CEP63: variants seen among roughly 807,000 people sequenced by gnomAD.
The protein encoded by CEP63 is centrosomal protein of 63 kDa.
In CEP63, 84 loss-of-function variants were observed where a neutral mutation model predicts 89.1. The observed-to-expected ratio is 0.94, with a 90% CI of 0.79 to 1.13. The LOEUF (loss-of-function observed/expected upper bound fraction) is 1.13. Ranked by LOEUF, CEP63 falls within the 50% of genes most tolerant of loss-of-function variation. The pLI is 0.00. For missense variants in CEP63, 838 were observed against 813.3 expected (o/e 1.03, Z -0.37); for synonymous variants, 267 against 272.5 (o/e 0.98, Z 0.20).
At chr3:134,608,000 TCTC>T in the CEP63 span, 2 of 1,036,430 alleles carry the variant, frequency 1.9e-6, no homozygotes, top group African/African-American at 1.7e-5. Flanking sequence ...CTAGGCCTGT[TCTC>T]CTCTCCCAAG....
the CEP63 span, chr3:134,639,732 G>T: frequency 6.6e-6 from 1 of 151,550 alleles, no homozygotes; most frequent in Non-Finnish European, 1.5e-5. Flanking sequence ...GATTGCTTGA[G>T]CCCAGGGGTT....
chr3:134,680,425 C>T, the CEP63 span, among the ~76,000 whole-genome samples: 7 of 152,168 alleles, frequency 4.6e-5, no homozygotes, highest in East Asian at 7.7e-4. Context: ...GGAGACTGTG[C>T]GCTGTGAAGC....
the CEP63 span, among the ~76,000 whole-genome samples, chr3:134,631,542 G>C: frequency 1.1e-5 from 1 of 94,036 alleles, no homozygotes; most frequent in African/African-American, 3.1e-5. Context: ...ACATCTGATA[G>C]GTTTTTGATA....
chr3:134,521,024 A>T (rs1279791122), intron 3 of CEP63, among the ~76,000 whole-genome samples: 1 of 152,208 alleles, frequency 6.6e-6, no homozygotes, highest in African/African-American at 2.4e-5. Flanking sequence ...TAAAATAATG[A>T]ACATTTCATA....
chr3:134,740,266 T>TTTCATTTATTTATTTA, the CEP63 span, among the ~76,000 whole-genome samples: 5 of 140,860 alleles, frequency 3.5e-5, no homozygotes, highest in African/African-American at 1.3e-4. Flanking sequence ...TATTCTTTTC[T>TTTCATTTATTTATTTA]TTTATTTATT....
intron 6 of CEP63, among the ~76,000 whole-genome samples, chr3:134,541,233 A>G (rs774700022): frequency 3.3e-5 from 5 of 152,078 alleles, no homozygotes; most frequent in Non-Finnish European, 5.9e-5. Context: ...TGTTTTATAA[A>G]CAGTTAATTA....
chr3:134,632,941 C>T, the CEP63 span, among the ~76,000 whole-genome samples: 249 of 152,048 alleles, frequency 1.6e-3, 1 homozygote, highest in African/African-American at 5.5e-3. Flanking sequence ...TCGCTACAGA[C>T]CCTCATATGT....
chr3:134,576,984 G>A (rs1019213281), downstream of CEP63, among the ~76,000 whole-genome samples: 2 of 152,142 alleles, frequency 1.3e-5, no homozygotes, highest in African/African-American at 4.8e-5. Flanking sequence ...CACTGCGCAG[G>A]CCAAACAGTA....
chr3:134,736,928 T>G, the CEP63 span, among the ~76,000 whole-genome samples: 1 of 152,064 alleles, frequency 6.6e-6, no homozygotes, highest in African/African-American at 2.4e-5. Flanking sequence ...AAAGTTACAG[T>G]AACAGAGACA....
chr3:134,736,803 A>G, the CEP63 span, among the ~76,000 whole-genome samples: 4 of 151,366 alleles, frequency 2.6e-5, no homozygotes, highest in South Asian at 4.1e-4. Flanking sequence ...TAGAATTTAC[A>G]TGGAAGAACA....
chr3:134,500,800 C>G (rs949552194), intron 2 of CEP63, among the ~76,000 whole-genome samples: 11 of 151,978 alleles, frequency 7.2e-5, no homozygotes, highest in African/African-American at 2.7e-4. Context: ...TTCGCTCTGT[C>G]GGTAGTTTTT....
At chr3:134,740,266 T>TTTTATTTATTTA in the CEP63 span, among the ~76,000 whole-genome samples, 9 of 140,860 alleles carry the variant, frequency 6.4e-5, no homozygotes, top group African/African-American at 7.8e-5. Flanking sequence ...TATTCTTTTC[T>TTTTATTTATTTA]TTTATTTATT....
the CEP63 span, among the ~76,000 whole-genome samples, chr3:134,728,366 A>G: frequency 6.6e-5 from 10 of 152,200 alleles, no homozygotes; most frequent in Non-Finnish European, 1.3e-4. Context: ...AATTTCACCT[A>G]TGGAAACAAG....
chr3:134,738,596 A>T, the CEP63 span, among the ~76,000 whole-genome samples: 1 of 152,036 alleles, frequency 6.6e-6, no homozygotes, highest in Admixed American at 6.6e-5. Context: ...AGAATAATAC[A>T]ACAGACTTTG....
At chr3:134,528,358 C>T (rs963817754) in intron 3 of CEP63, among the ~76,000 whole-genome samples, 3 of 152,128 alleles carry the variant, frequency 2.0e-5, no homozygotes, top group East Asian at 1.9e-4. Flanking sequence ...TTTTTTTCTC[C>T]CCCGTTCTTT....
At chr3:134,695,730 G>A in the CEP63 span, among the ~76,000 whole-genome samples, 2 of 152,230 alleles carry the variant, frequency 1.3e-5, no homozygotes, top group African/African-American at 2.4e-5. Context: ...AAACTGATTA[G>A]AGGGCAGTGG....
chr3:134,695,184 C>T, the CEP63 span, among the ~76,000 whole-genome samples: 1 of 152,110 alleles, frequency 6.6e-6, no homozygotes, highest in Non-Finnish European at 1.5e-5. Flanking sequence ...ATTGCAAAGT[C>T]AAGAGCCACT....
At chr3:134,607,699 C>T in the CEP63 span, 3 of 985,812 alleles carry the variant, frequency 3.0e-6, no homozygotes, top group Non-Finnish European at 3.6e-6. Context: ...CCGTATGCCT[C>T]AGAGTGTGCA....
At chr3:134,580,344 T>C (rs751651675) in intron 10 of CEP63, among the ~76,000 whole-genome samples, 43 of 152,220 alleles carry the variant, frequency 2.8e-4, no homozygotes, top group Non-Finnish European at 1.3e-4. Context: ...GTAACTGAAA[T>C]GTTCTAAAAC....
Sources: allele counts gnomAD v4.1 joint callset (sites outside exome capture counted in the v4.1 genomes callset), GRCh38; gene constraint gnomAD v4.1.1; transcripts MANE v1.5; gene names NCBI Gene and HGNC (gene_info 2026-07-23, HGNC 2026-07-21).